MBD5: variants seen among roughly 807,000 people sequenced by gnomAD.
MBD5 encodes methyl-CpG-binding domain protein 5.
Under a neutral mutation model 117.3 loss-of-function variants are expected in MBD5, and 13 were observed. That is an observed-to-expected ratio of 0.11 (90% CI 0.07 to 0.18). The LOEUF (loss-of-function observed/expected upper bound fraction) is 0.18. MBD5 is among the 10% of genes least tolerant of loss of function. MBD5 has a pLI of 1.00. For synonymous variants in MBD5, 727 were observed against 766.4 expected, an observed-to-expected ratio of 0.95 and a Z score of 0.85; for missense variants, 1,879 against 2,093.8, an observed-to-expected ratio of 0.90 and a Z score of 2.00.
intron 4 of MBD5, among the ~76,000 whole-genome samples, chr2:148,373,071 A>G (rs1324114123): frequency 2.0e-5 from 3 of 152,238 alleles, no homozygotes; most frequent in African/African-American, 7.2e-5. Context: ...TTTTTTAAAG[A>G]ATTACGTTTT....
chr2:148,033,603 T>A (rs1694102984), intron 1 of MBD5, among the ~76,000 whole-genome samples: 1 of 152,168 alleles, frequency 6.6e-6, no homozygotes, highest in Admixed American at 6.6e-5. Flanking sequence ...AATAATTGAT[T>A]AAGCAACTTT....
At chr2:148,313,353 G>A (rs1458869757) in intron 3 of MBD5, among the ~76,000 whole-genome samples, 1 of 152,212 alleles carries the variant, frequency 6.6e-6, no homozygotes, top group Non-Finnish European at 1.5e-5. Flanking sequence ...GCTGTTCTCA[G>A]AGAGGAGGAA....
At chr2:148,155,303 C>G (rs1444591478) in intron 1 of MBD5, among the ~76,000 whole-genome samples, 1 of 152,114 alleles carries the variant, frequency 6.6e-6, no homozygotes, top group Non-Finnish European at 1.5e-5. Context: ...GATGAGGAAA[C>G]AGCAGCTGCT....
intron 12 of MBD5, among the ~76,000 whole-genome samples, chr2:148,507,595 T>TA (rs1682075255): frequency 6.6e-6 from 1 of 151,916 alleles, no homozygotes; most frequent in Non-Finnish European, 1.5e-5. Flanking sequence ...CCGTCTCTAC[T>TA]AAAAATACAA....
intron 9 of MBD5, among the ~76,000 whole-genome samples, chr2:148,484,667 G>C (rs919850746): frequency 1.3e-5 from 2 of 152,238 alleles, no homozygotes; most frequent in African/African-American, 4.8e-5. Context: ...CAAGGGAACA[G>C]ACAGCCCCTC....
At chr2:148,314,167 T>C (rs1702100574) in intron 3 of MBD5, among the ~76,000 whole-genome samples, 3 of 152,102 alleles carry the variant, frequency 2.0e-5, no homozygotes, top group African/African-American at 7.2e-5. Context: ...AGTAGAAAAC[T>C]GTAAACTGTC....
intron 1 of MBD5, among the ~76,000 whole-genome samples, chr2:148,038,129 A>G (rs1694247158): frequency 1.3e-5 from 2 of 152,020 alleles, no homozygotes; most frequent in Non-Finnish European, 2.9e-5. Flanking sequence ...GTGTAATAAT[A>G]TCTGCCATAA....
intron 2 of MBD5, among the ~76,000 whole-genome samples, chr2:148,225,588 G>A (rs1699799694): frequency 6.6e-6 from 1 of 152,056 alleles, no homozygotes; most frequent in African/African-American, 2.4e-5. Context: ...GCTTATTAAT[G>A]TCCTCTTCTT....
intron 2 of MBD5, among the ~76,000 whole-genome samples, chr2:148,233,018 T>C (rs1700025997): frequency 6.6e-6 from 1 of 152,200 alleles, no homozygotes; most frequent in South Asian, 2.1e-4. Flanking sequence ...TCTTTTGATT[T>C]TGGTTTTCTG....
intron 4 of MBD5, among the ~76,000 whole-genome samples, chr2:148,412,058 A>G (rs185363374): frequency 5.1e-4 from 77 of 152,196 alleles, no homozygotes; most frequent in Admixed American, 1.4e-3. Flanking sequence ...CTCAATATCA[A>G]TCTTCTGCAT....
chr2:148,468,251 C>A (rs2105621208), intron 7 of MBD5, 90 bp from the exon 8 acceptor site: 2 of 1,069,392 alleles, frequency 1.9e-6, no homozygotes, highest in Middle Eastern at 2.3e-4. Context: ...TCCTCCCTCT[C>A]CCTTCCTGAT....
intron 4 of MBD5, among the ~76,000 whole-genome samples, chr2:148,385,122 T>C (rs893110863): frequency 1.3e-5 from 2 of 151,946 alleles, no homozygotes; most frequent in Non-Finnish European, 2.9e-5. Flanking sequence ...TGGGATCTAA[T>C]CAAACTAAAG....
At chr2:148,443,300 A>G (rs1471702243) in intron 4 of MBD5, among the ~76,000 whole-genome samples, 3 of 151,382 alleles carry the variant, frequency 2.0e-5, no homozygotes, top group Non-Finnish European at 4.4e-5. Context: ...TACACTGGAA[A>G]TGTAAATTGG....
At chr2:148,239,986 A>C (rs936061003) in intron 3 of MBD5, among the ~76,000 whole-genome samples, 1 of 152,192 alleles carries the variant, frequency 6.6e-6, no homozygotes, top group Non-Finnish European at 1.5e-5. Flanking sequence ...TTGCGGCACT[A>C]TTCACAATAG....
intron 4 of MBD5, among the ~76,000 whole-genome samples, chr2:148,448,890 G>C (rs1465213406): frequency 6.6e-6 from 1 of 151,950 alleles, no homozygotes; most frequent in Admixed American, 6.6e-5. Flanking sequence ...AACCTTGTTG[G>C]TGTACTCTTA....
chr2:148,489,890 T>G lies in MBD5; in HGVS notation c.4258T>G (p.Ser1420Ala), dbSNP rs756608508. ...NEGDGFEYFK[S>A]ASCHTSKKQW... ...AGGAGATGGGTTTGAATATTTCAAG[T>G]CAGCAAGTTGCCACACATCCAAAAA... The change falls in exon 11 of 14, where the codon TCA becomes GCA. Residue 1420 changes from serine to alanine, a missense_variant. This residue lies in a region of MBD5 where 1,666 missense variants were observed against 1,792.2 expected (regional missense o/e 0.93). Transcript: ENST00000642680. 1.1e-4 allele frequency: 173 copies of G among 1,613,808 alleles called. No individual in the cohort carries two copies. Among genetic ancestry groups the G allele is most frequent in the Non-Finnish European group, 1.4e-4 (168 of 1,179,986 alleles).
At chr2:148,482,709 A>C (rs1156849812) in intron 8 of MBD5, among the ~76,000 whole-genome samples, 2 of 152,142 alleles carry the variant, frequency 1.3e-5, no homozygotes, top group Non-Finnish European at 2.9e-5. Context: ...TAATGAAAAA[A>C]ATTTTTAAAA....
At chr2:148,086,189 T>G (rs1262289572) in intron 1 of MBD5, among the ~76,000 whole-genome samples, 1 of 149,812 alleles carries the variant, frequency 6.7e-6, no homozygotes, top group African/African-American at 2.5e-5. Flanking sequence ...TAAAATGTGT[T>G]TGTGTGTGTG....
chr2:148,024,854 T>A (rs1447965417), intron 1 of MBD5: 3 of 152,228 alleles, frequency 2.0e-5, no homozygotes, highest in Admixed American at 6.5e-5. Context: ...TAAATTTCAT[T>A]GACCGGTGCA....
Sources: gnomAD v4.1 joint callset for allele counts (sites outside exome capture counted in the v4.1 genomes callset) on GRCh38, gnomAD v4.1.1 for gene constraint, gnomAD v4.1.1 regional missense constraint, MANE v1.5 for transcripts, NCBI Gene and HGNC (gene_info 2026-07-23, HGNC 2026-07-21) for gene names.